The following CNTN1 variants were observed in gnomAD, a reference collection of about 807,000 sequenced individuals.
CNTN1 encodes the protein contactin 1, also known as contactin-1.
Under a neutral mutation model 126.4 loss-of-function variants are expected in CNTN1, and 38 were observed. That is an observed-to-expected ratio of 0.30 (90% CI 0.23 to 0.39). The LOEUF (loss-of-function observed/expected upper bound fraction) is 0.39. CNTN1 is among the 10% of genes least tolerant of loss of function. The pLI is 1.00. For synonymous variants in CNTN1, 413 were observed against 422.6 expected (o/e 0.98, Z 0.28); for missense variants, 1,009 against 1,248.4 (o/e 0.81, Z 2.89).
intron 17 of CNTN1, among the ~76,000 whole-genome samples, chr12:41,001,330 T>C (rs191371710): frequency 2.0e-5 from 3 of 152,316 alleles, no homozygotes; most frequent in Admixed American, 6.5e-5. Context: ...CATTATGGTT[T>C]TGATTTGCCT....
chr12:41,046,997 C>T (rs943611708), intron 23 of CNTN1, among the ~76,000 whole-genome samples: 4 of 151,752 alleles, frequency 2.6e-5, no homozygotes, highest in Non-Finnish European at 5.9e-5. Context: ...TTGGCCAAAC[C>T]CAAACTCATA....
chr12:40,913,084 C>T (rs1213273272), intron 3 of CNTN1, among the ~76,000 whole-genome samples: 1 of 152,162 alleles, frequency 6.6e-6, no homozygotes, highest in Admixed American at 6.5e-5. Flanking sequence ...GCAGGTAAAG[C>T]CAAGCAAGGA....
At chr12:40,703,027 T>A (rs1405709358) in intron 1 of CNTN1, among the ~76,000 whole-genome samples, 1 of 151,984 alleles carries the variant, frequency 6.6e-6, no homozygotes, top group South Asian at 2.1e-4. Flanking sequence ...ATATATATAT[T>A]TTTTACAGAT....
intron 16 of CNTN1, 57 bp downstream of exon 16, chr12:40,981,124 A>G: frequency 6.3e-7 from 1 of 1,582,320 alleles, no homozygotes; most frequent in Non-Finnish European, 8.6e-7. Context: ...TTCTTTTCTC[A>G]AAAACAAAAA....
intron 1 of CNTN1, among the ~76,000 whole-genome samples, chr12:40,716,657 CATAG>C (rs1173686667): frequency 1.3e-5 from 2 of 152,126 alleles, no homozygotes; most frequent in African/African-American, 2.4e-5. Flanking sequence ...TTGGAAGATA[CATAG>C]ATAGTTTAGA....
chr12:40,766,470 T>C lies in CNTN1; in HGVS notation c.-77+73878T>C, dbSNP rs140557978. Among the ~76,000 whole-genome samples the C allele has an allele frequency of 1.7e-3, 254 of 152,274 alleles. 1 individual carries two copies. The highest frequency in any genetic ancestry group is 5.8e-3 in the African/African-American group (239 of 41,556). On this transcript the variant is annotated intron_variant, in intron 1 of 23. Coordinates refer to ENST00000551295, the MANE Select transcript of CNTN1 (RefSeq NM_001843.4). ...ATTTAATGAAATAATCAGAGAACTG[T>C]ACCATCACCTCTGAGATAATTAGAA...
At chr12:40,716,432 T>G (rs1942051809) in intron 1 of CNTN1, among the ~76,000 whole-genome samples, 1 of 151,748 alleles carries the variant, frequency 6.6e-6, no homozygotes, top group African/African-American at 2.4e-5. Context: ...CTTCCACAAA[T>G]CTAAATACCT....
intron 6 of CNTN1, among the ~76,000 whole-genome samples, chr12:40,926,173 A>ATAGAT (rs1285794204): frequency 1.6e-5 from 2 of 127,558 alleles, no homozygotes; most frequent in African/African-American, 6.0e-5. Context: ...CTAAATAAGG[A>ATAGAT]TAGATAGATA....
chr12:40,711,027 T>C (rs542191956), intron 1 of CNTN1, among the ~76,000 whole-genome samples: 3 of 152,284 alleles, frequency 2.0e-5, no homozygotes, highest in Admixed American at 6.5e-5. Flanking sequence ...AGGTGTAATA[T>C]CTTAGTTAAA....
intron 1 of CNTN1, among the ~76,000 whole-genome samples, chr12:40,874,623 C>T (rs1196016803): frequency 6.6e-6 from 1 of 152,036 alleles, no homozygotes; most frequent in African/African-American, 2.4e-5. Flanking sequence ...AAATGAGGCT[C>T]TAGTTCATTT....
rs200022020 is a variant in CNTN1, at chr12:40,933,766, T to A, written c.873T>A (p.Ser291=). The change falls in exon 9 of 24, where the codon TCT becomes TCA. Residue 291 remains serine (S), a synonymous_variant. Transcript: ENST00000551295. ...PMPSTAEIST[S]GAVLKIFNIQ... ...CAAGCACTGCTGAGATTAGCACCTC[T>A]GGGGCTGTTCTTAAGATCTTCAATA... 2.4e-4 allele frequency: 385 copies of A among 1,612,626 alleles called. 4 individuals are homozygous for A. In the South Asian group the frequency reaches 4.1e-3, roughly 17 times the overall value.
chr12:40,993,038 G>A (rs2120503568), intron 16 of CNTN1, 82 bp from the exon 17 acceptor site: 1 of 1,298,338 alleles, frequency 7.7e-7, no homozygotes, highest in Admixed American at 1.7e-5. Context: ...CATTCTCCCT[G>A]AAATAGTAAA....
At chr12:40,745,102 CT>C (rs1235448185) in intron 1 of CNTN1, among the ~76,000 whole-genome samples, 31 of 152,126 alleles carry the variant, frequency 2.0e-4, no homozygotes, top group Non-Finnish European at 2.6e-4. Flanking sequence ...ACCAAATTTC[CT>C]TGACTATTTC....
chr12:40,840,162 A>G (rs1170150323), intron 1 of CNTN1, among the ~76,000 whole-genome samples: 1 of 152,088 alleles, frequency 6.6e-6, no homozygotes, highest in African/African-American at 2.4e-5. Context: ...GATATTCCAC[A>G]TAAAAGGAAA....
intron 1 of CNTN1, among the ~76,000 whole-genome samples, chr12:40,775,888 A>T (rs1939557929): frequency 6.6e-6 from 1 of 151,670 alleles, no homozygotes; most frequent in Non-Finnish European, 1.5e-5. Flanking sequence ...AATGTGAGTC[A>T]AAAACGTAGT....
At chr12:40,871,491 G>A (rs1255711312) in intron 1 of CNTN1, among the ~76,000 whole-genome samples, 1 of 152,024 alleles carries the variant, frequency 6.6e-6, no homozygotes, top group Non-Finnish European at 1.5e-5. Context: ...GTTGGATTTG[G>A]GATATTCTGA....
chr12:40,834,796 T>C (rs973729430), intron 1 of CNTN1, among the ~76,000 whole-genome samples: 2 of 152,144 alleles, frequency 1.3e-5, no homozygotes, highest in African/African-American at 4.8e-5. Context: ...GATGAATAAA[T>C]GATGATAAAT....
intron 1 of CNTN1, among the ~76,000 whole-genome samples, chr12:40,700,733 C>G (rs930807719): frequency 6.6e-6 from 1 of 151,342 alleles, no homozygotes; most frequent in Non-Finnish European, 1.5e-5. Context: ...GGCAATCTAT[C>G]CTAGTTTGAA....
At chr12:41,063,184 G>T (rs1949975365) in intron 23 of CNTN1, among the ~76,000 whole-genome samples, 1 of 152,246 alleles carries the variant, frequency 6.6e-6, no homozygotes, top group African/African-American at 2.4e-5. Flanking sequence ...CAAGTTCACT[G>T]AAAGTGTTGT....
Sources: allele counts gnomAD v4.1 joint callset (sites outside exome capture counted in the v4.1 genomes callset), GRCh38; gene constraint gnomAD v4.1.1; transcripts MANE v1.5; gene names NCBI Gene and HGNC (gene_info 2026-07-23, HGNC 2026-07-21).